Variants in SREK1IP1 observed in about 807,000 individuals in gnomAD.
SREK1IP1 encodes the protein protein SREK1IP1.
A neutral mutation model predicts 22.8 loss-of-function variants in SREK1IP1; 12 were observed. The observed-to-expected ratio is 0.53, with a 90% CI of 0.34 to 0.85. SREK1IP1 has a LOEUF of 0.85. Ranked by LOEUF, SREK1IP1 falls within the 40% of genes least tolerant of loss-of-function variation. The pLI is 0.02. For missense variants in SREK1IP1, 147 were observed against 171.8 expected (o/e 0.86, Z 0.81); for synonymous variants, 53 against 52.7 (o/e 1.01, Z -0.02).
chr5:64,730,881 A>G (rs1282274158), intron 3 of SREK1IP1, among the ~76,000 whole-genome samples: 3 of 152,216 alleles, frequency 2.0e-5, no homozygotes, highest in African/African-American at 4.8e-5. Context: ...GTTTTGCTAG[A>G]TAAGGGTAAA....
chr5:64,764,926 G>C (rs988833864), intron 1 of SREK1IP1: 2 of 152,220 alleles, frequency 1.3e-5, no homozygotes, highest in African/African-American at 4.8e-5. Flanking sequence ...CTTATTCACT[G>C]TGATGTGCCA....
At chr5:64,742,728 C>T (rs1261429480) in intron 2 of SREK1IP1, among the ~76,000 whole-genome samples, 1 of 152,206 alleles carries the variant, frequency 6.6e-6, no homozygotes. Context: ...TAGGGTTCAT[C>T]AAATATCCTC....
chr5:64,744,732 A>T (rs567895104), intron 2 of SREK1IP1, among the ~76,000 whole-genome samples: 27 of 152,252 alleles, frequency 1.8e-4, no homozygotes, highest in African/African-American at 6.5e-4. Context: ...TTAATTTTTT[A>T]AATTTGATTT....
At position 64,754,474 on chromosome 5, in the gene SREK1IP1, T is replaced by TG. The variant is rs1423081613; in HGVS notation, c.14-113_14-112insC. The TG allele has an allele frequency of 6.4e-5, 70 of 1,093,982 alleles. No homozygotes were observed. The East Asian group carries it at 9.9e-4, about 15-fold the overall frequency. 67.8% of individuals were successfully genotyped at this position (1,093,982 alleles called of 1,614,324 possible). A position where few individuals can be genotyped will look rare whatever the true frequency, so the allele number is the denominator to read the frequency against. On this transcript the variant is annotated intron_variant, in intron 1 of 4. Transcript: ENST00000513458. ...CCATTTGTTATAGAATTTCTTTTTT[T>TG]TTGTTGTTGAGACAAGGTGTCACTC...
chr5:64,738,685 T>C (rs1006562215), intron 3 of SREK1IP1, among the ~76,000 whole-genome samples: 17 of 152,064 alleles, frequency 1.1e-4, no homozygotes, highest in African/African-American at 4.1e-4. Context: ...CCCATGCATA[T>C]ATGATGAACT....
intron 3 of SREK1IP1, among the ~76,000 whole-genome samples, chr5:64,736,210 TAA>T (rs59695917): frequency 6.7e-6 from 1 of 149,936 alleles, no homozygotes; most frequent in African/African-American, 2.4e-5. Context: ...TAGGTACACT[TAA>T]AAAAAAAATG....
chr5:64,737,440 A>G (rs1742482374), intron 3 of SREK1IP1, among the ~76,000 whole-genome samples: 2 of 151,448 alleles, frequency 1.3e-5, no homozygotes, highest in Non-Finnish European at 2.9e-5. Context: ...CAGTACTAAA[A>G]GGGAAATTTA....
intron 3 of SREK1IP1, among the ~76,000 whole-genome samples, chr5:64,732,416 A>G (rs546373302): frequency 6.6e-6 from 1 of 152,328 alleles, no homozygotes; most frequent in South Asian, 2.1e-4. Flanking sequence ...ACAAAAATCA[A>G]TTTATTTTTA....
chr5:64,724,496 TTTTTC>T lies in SREK1IP1; in HGVS notation c.351_355del (p.Lys118ArgfsTer5). 1 of 1,591,780 alleles carries T rather than the reference TTTTTC, an allele frequency of 6.3e-7. No individual in the cohort carries two copies. The highest frequency in any genetic ancestry group is 8.5e-7 in the Non-Finnish European group (1 of 1,174,262). On this transcript the variant is annotated frameshift_variant, in exon 5 of 5. Coordinates refer to ENST00000513458, the MANE Select transcript of SREK1IP1 (RefSeq NM_173829.4). LOFTEE classifies it high-confidence loss of function. The stretch of plus-strand genomic sequence containing the variant: ...TTTTTTTGATTTACTCTTTTTTTCT[TTTTTC>T]TTTTCTTTCTTCTGATATTTTTGTT...
At chr5:64,759,370 C>T (rs1330275288) in intron 1 of SREK1IP1, among the ~76,000 whole-genome samples, 1 of 152,278 alleles carries the variant, frequency 6.6e-6, no homozygotes, top group East Asian at 1.9e-4. Context: ...TACCTACTTC[C>T]CTGCCTTGGG....
At chr5:64,759,880 C>A (rs1437032273) in intron 1 of SREK1IP1, among the ~76,000 whole-genome samples, 1 of 152,014 alleles carries the variant, frequency 6.6e-6, no homozygotes, top group Non-Finnish European at 1.5e-5. Flanking sequence ...ACATTGCTGG[C>A]AGGAGCATAA....
intron 2 of SREK1IP1, 87 bp downstream of exon 2, chr5:64,754,228 G>T: frequency 3.0e-6 from 4 of 1,317,746 alleles, no homozygotes; most frequent in South Asian, 1.2e-5. Context: ...CTGGGCCCCT[G>T]AAATCAGGGT....
chr5:64,742,916 G>A (rs953035124), intron 2 of SREK1IP1, among the ~76,000 whole-genome samples: 2 of 152,102 alleles, frequency 1.3e-5, no homozygotes, highest in African/African-American at 4.8e-5. Context: ...TTTCCTCACT[G>A]TGATTTCCTA....
rs1221435247 is a variant in SREK1IP1, at chr5:64,718,270, G to A, written c.*6114C>T. The A allele has an allele frequency of 3.0e-6, 1 of 337,580 alleles. No homozygotes were observed. The highest frequency in any genetic ancestry group is 2.2e-5 in the African/African-American group (1 of 46,280). The allele number at this position is 337,580 out of a possible 1,614,324, so 20.9% of individuals were successfully genotyped here. A position where few individuals can be genotyped will look rare whatever the true frequency, so the allele number is the denominator to read the frequency against. Reference sequence around the variant, plus strand: ...ATGAGATTATGCTAATTATTCAGGAGAAATTAAATAATTTATCAATAACAA... The same window carrying A: ...ATGAGATTATGCTAATTATTCAGGAAAAATTAAATAATTTATCAATAACAA... On this transcript the variant is annotated 3_prime_UTR_variant, in exon 5 of 5. Transcript: ENST00000513458.
At position 64,741,289 on chromosome 5, in the gene SREK1IP1, TA is replaced by T. The variant is rs1742547736; in HGVS notation, c.62-90del. On this transcript the variant is annotated intron_variant, in intron 2 of 4. Transcript: ENST00000513458. ...TGTTTTGCTGCCTCACGGTAACCAGTAAGTTACAATTTCAATAATATAATGT... is the reference window on the plus strand; with the variant it reads ...TGTTTTGCTGCCTCACGGTAACCAGTAGTTACAATTTCAATAATATAATGT... The T allele has an allele frequency of 2.3e-5, 27 of 1,194,878 alleles. 1 individual carries two copies. The South Asian group carries it at 3.2e-4, about 14-fold the overall frequency. The allele number at this position is 1,194,878 out of a possible 1,614,324, so 74.0% of individuals were successfully genotyped here.
chr5:64,762,040 T>C (rs951415414), intron 1 of SREK1IP1, among the ~76,000 whole-genome samples: 1 of 152,236 alleles, frequency 6.6e-6, no homozygotes, highest in Non-Finnish European at 1.5e-5. Flanking sequence ...AGGAATGTCA[T>C]ATTCGATTTA....
At chr5:64,731,140 G>A (rs2112089218) in intron 3 of SREK1IP1, among the ~76,000 whole-genome samples, 1 of 152,272 alleles carries the variant, frequency 6.6e-6, no homozygotes, top group South Asian at 2.1e-4. Flanking sequence ...TGGCTAAGGT[G>A]AAGAGACAGA....
In SREK1IP1 at chr5:64,765,921, A is replaced by C. The variant is rs952585061; in HGVS notation, c.13+2584T>G. Among the ~76,000 whole-genome samples the C allele has an allele frequency of 3.3e-5, 5 of 152,240 alleles. No homozygotes were observed. The South Asian group carries it at 1.0e-3, about 32-fold the overall frequency. The stretch of plus-strand genomic sequence containing the variant: ...GGCTTGCTCAAGTAATGAAATGAGC[A>C]GTGATAACAGGTCAACTTTGGGTGC... On this transcript the variant is annotated intron_variant, in intron 1 of 4. Transcript: ENST00000513458.
At chr5:64,743,170 T>C (rs1361519842) in intron 2 of SREK1IP1, among the ~76,000 whole-genome samples, 1 of 152,218 alleles carries the variant, frequency 6.6e-6, no homozygotes, top group East Asian at 1.9e-4. Context: ...AGGTCAATGA[T>C]GGACCACATA....
Sources: gnomAD v4.1 joint callset for allele counts (sites outside exome capture counted in the v4.1 genomes callset) on GRCh38, gnomAD v4.1.1 for gene constraint, MANE v1.5 for transcripts, NCBI Gene and HGNC (gene_info 2026-07-23, HGNC 2026-07-21) for gene names.